PAPSS2: variants seen among roughly 807,000 people sequenced by gnomAD.
The protein encoded by PAPSS2 is bifunctional 3'-phosphoadenosine 5'-phosphosulfate synthase 2.
In PAPSS2, 61 loss-of-function variants were observed where a neutral mutation model predicts 66.5. The observed-to-expected ratio is 0.92, with a 90% CI of 0.75 to 1.14. The LOEUF (loss-of-function observed/expected upper bound fraction) is 1.14, where lower values mean the gene tolerates loss of function less well. PAPSS2 is among the 50% of genes most tolerant of loss of function. The pLI, the probability that PAPSS2 is intolerant of heterozygous loss-of-function variation, is 0.00. For synonymous variants in PAPSS2, 289 were observed against 287.5 expected (o/e 1.01, Z -0.05); for missense variants, 708 against 789.6 (o/e 0.90, Z 1.24).
intron 1 of PAPSS2, among the ~76,000 whole-genome samples, chr10:87,685,719 T>A (rs1853079576): frequency 1.3e-5 from 2 of 152,148 alleles, no homozygotes; most frequent in South Asian, 4.1e-4. Flanking sequence ...GCATGTTTCT[T>A]TCTGTTGTTT....
intron 9 of PAPSS2, among the ~76,000 whole-genome samples, chr10:87,739,989 G>A (rs1418516425): frequency 6.6e-6 from 1 of 152,160 alleles, no homozygotes; most frequent in African/African-American, 2.4e-5. Flanking sequence ...AAAAGTACTT[G>A]CACAGTGGTT....
chr10:87,671,790 A>T (rs1399275304), intron 1 of PAPSS2, among the ~76,000 whole-genome samples: 1 of 152,214 alleles, frequency 6.6e-6, no homozygotes, highest in African/African-American at 2.4e-5. Context: ...GAAAATACAG[A>T]TAGGTAGCAA....
intron 9 of PAPSS2, among the ~76,000 whole-genome samples, chr10:87,734,109 C>T (rs1853763153): frequency 6.6e-6 from 1 of 152,186 alleles, no homozygotes. Context: ...AATTATTCAA[C>T]TTTTCTTTGG....
chr10:87,670,286 T>TA (rs906943057), intron 1 of PAPSS2, among the ~76,000 whole-genome samples: 1 of 152,166 alleles, frequency 6.6e-6, no homozygotes, highest in African/African-American at 2.4e-5. Context: ...TTGTAGATAA[T>TA]AAAAAAGAAA....
intron 1 of PAPSS2, among the ~76,000 whole-genome samples, chr10:87,702,967 C>T (rs901866309): frequency 6.6e-6 from 1 of 152,092 alleles, no homozygotes; most frequent in African/African-American, 2.4e-5. Flanking sequence ...TCACGACCCT[C>T]GGCACTTCAC....
intron 1 of PAPSS2, among the ~76,000 whole-genome samples, chr10:87,688,291 AATG>A (rs1853113536): frequency 6.6e-6 from 1 of 151,938 alleles, no homozygotes; most frequent in African/African-American, 2.4e-5. Flanking sequence ...TTCAAAAGAT[AATG>A]ATAAAACACA....
At chr10:87,660,943 T>A (rs542455278) in intron 1 of PAPSS2, 1 of 455,666 alleles carries the variant, frequency 2.2e-6, no homozygotes, top group African/African-American at 2.0e-5. Context: ...CTCAGCAGTT[T>A]GGCCGCTGAA....
chr10:87,697,872 A>G (rs1325862454), intron 1 of PAPSS2, among the ~76,000 whole-genome samples: 1 of 152,226 alleles, frequency 6.6e-6, no homozygotes, highest in African/African-American at 2.4e-5. Flanking sequence ...TGTGGTAGAC[A>G]GAGGACCAGA....
chr10:87,662,840 A>G (rs1852769288), intron 1 of PAPSS2, among the ~76,000 whole-genome samples: 1 of 152,116 alleles, frequency 6.6e-6, no homozygotes, highest in Middle Eastern at 3.2e-3. Flanking sequence ...CCATAGATGT[A>G]AGGGATTATC....
chr10:87,703,660 C>T lies in PAPSS2; in HGVS notation c.28-5536C>T, dbSNP rs1031309902. 8 of 504,914 alleles carry T rather than the reference C, an allele frequency of 1.6e-5. No individual in the cohort carries two copies. The East Asian group carries it at 1.6e-4, about 10-fold the overall frequency. The allele number at this position is 504,914 out of a possible 1,614,324, so 31.3% of individuals were successfully genotyped here. ...GCTCCAGGTCACAGAGCAAATCAGCCGTGAAGCAGGTTTCAAATCCAGGTC... is the reference window on the plus strand; with the variant it reads ...GCTCCAGGTCACAGAGCAAATCAGCTGTGAAGCAGGTTTCAAATCCAGGTC... On this transcript the variant is annotated intron_variant, in intron 1 of 12. Coordinates refer to ENST00000456849, the MANE Select transcript of PAPSS2 (RefSeq NM_001015880.2).
In PAPSS2 at chr10:87,713,312, T is replaced by TAAAAAAAAAAAAAA. The variant is rs367885911; in HGVS notation, c.381+11_381+24dup. 6.8e-4 allele frequency: 390 copies of TAAAAAAAAAAAAAA among 574,964 alleles called. 11 individuals carry two copies. Among genetic ancestry groups the TAAAAAAAAAAAAAA allele is most frequent in the East Asian group, 1.8e-3 (34 of 18,758 alleles). The allele number at this position is 574,964 out of a possible 1,614,324, so 35.6% of individuals were successfully genotyped here. ...AGCTTTATTTCTCCATTCGCAAAGG[T>TAAAAAAAAAAAAAA]AAAAAAAAAAAAAAAAAAAAAAGGC... On this transcript the variant is annotated splice_region_variant and intron_variant, in intron 3 of 12. Coordinates refer to ENST00000456849, the MANE Select transcript of PAPSS2 (RefSeq NM_001015880.2).
rs201146455 is a variant in PAPSS2, at chr10:87,745,049, C to T, written c.1539C>T (p.Tyr513=). 2.5e-6 allele frequency: 4 copies of T among 1,614,140 alleles called. No individual in the cohort carries two copies. In the Admixed American group the frequency reaches 5.0e-5, roughly 20 times the overall value. ...GGATGATTGCGGGTGCCAATTTCTA[C>T]ATTGTGGGGAGGGACCCTGCAGGAA... is the stretch of plus-strand genomic sequence containing the variant. ...RSRMIAGANF[Y]IVGRDPAGMP... is the part of the protein sequence containing the mutation. The change falls in exon 12 of 13, where the codon TAC becomes TAT. Residue 513 remains tyrosine, a synonymous_variant. Coordinates refer to ENST00000456849, the MANE Select transcript of PAPSS2 (RefSeq NM_001015880.2).
At chr10:87,669,125 T>G (rs906658379) in intron 1 of PAPSS2, among the ~76,000 whole-genome samples, 2 of 152,354 alleles carry the variant, frequency 1.3e-5, no homozygotes, top group East Asian at 3.9e-4. Flanking sequence ...TGTTTCTCTT[T>G]AGAAAATTCA....
intron 2 of PAPSS2, among the ~76,000 whole-genome samples, chr10:87,710,585 C>G (rs1373680591): frequency 6.6e-6 from 1 of 152,012 alleles, no homozygotes; most frequent in Admixed American, 6.5e-5. Context: ...AATGTGACAC[C>G]CCTTGAAAAG....
Position 87,727,508 on chromosome 10 carries a change from G to C in PAPSS2, c.1086+19G>C. 6.3e-7 allele frequency: 1 copy of C among 1,588,750 alleles called. No individual in the cohort carries two copies. The highest frequency in any genetic ancestry group is 2.2e-5 in the East Asian group (1 of 44,480). ...TATCAAAGTAAGTCACAAAACCTTT[G>C]GAAGGACTTTCTTGAGCTATTTAAA... On this transcript the variant is annotated intron_variant, in intron 9 of 12. Coordinates refer to ENST00000456849, the MANE Select transcript of PAPSS2 (RefSeq NM_001015880.2).
chr10:87,679,112 A>G (rs1286331953), intron 1 of PAPSS2, among the ~76,000 whole-genome samples: 3 of 152,340 alleles, frequency 2.0e-5, no homozygotes, highest in East Asian at 1.9e-4. Flanking sequence ...AAAGAATGAA[A>G]TCATGTCATT....
chr10:87,715,753 G>C lies in PAPSS2; in HGVS notation c.775G>C (p.Val259Leu). ...ITKLDLQWVQVLSEGWATPLK... is the reference protein window; with the variant it reads ...ITKLDLQWVQLLSEGWATPLK... ...GCAGCTGGATCTCCAGTGGGTCCAG[G>C]TTTTGAGCGAAGGCTGGGCCACTCC... Residue 259 changes from valine (V) to leucine (L), a missense_variant, in exon 7 of 13, where the codon GTT becomes CTT. Physicochemically the swap from Val to Leu is conservative, Grantham distance 32. Coordinates refer to ENST00000456849, the MANE Select transcript of PAPSS2 (RefSeq NM_001015880.2). 6.2e-7 allele frequency: 1 copy of C among 1,613,178 alleles called. No individual in the cohort carries two copies. The highest frequency in any genetic ancestry group is 8.5e-7 in the Non-Finnish European group (1 of 1,179,140).
intron 10 of PAPSS2, among the ~76,000 whole-genome samples, chr10:87,742,004 C>T (rs749029500): frequency 1.3e-5 from 2 of 151,472 alleles, no homozygotes; most frequent in Non-Finnish European, 2.9e-5. Flanking sequence ...GCAATCTCCC[C>T]GCCTCAGCCT....
At chr10:87,744,817 A>T (rs1347790064) in intron 11 of PAPSS2, among the ~76,000 whole-genome samples, 185 bp from the exon 12 acceptor site, 2 of 152,230 alleles carry the variant, frequency 1.3e-5, no homozygotes, top group Non-Finnish European at 2.9e-5. Flanking sequence ...TAGAGCTCCT[A>T]TCCTACCTAA....
Sources: allele counts gnomAD v4.1 joint callset (sites outside exome capture counted in the v4.1 genomes callset), GRCh38; gene constraint gnomAD v4.1.1; transcripts MANE v1.5; gene names NCBI Gene and HGNC (gene_info 2026-07-23, HGNC 2026-07-21).